TBX20: variants seen among roughly 807,000 people sequenced by gnomAD.
The protein encoded by TBX20 is T-box transcription factor TBX20.
TBX20 carries 8 observed loss-of-function variants against 42.9 expected under a neutral mutation model. That is an observed-to-expected ratio of 0.19 (90% confidence interval 0.11 to 0.34). The LOEUF (loss-of-function observed/expected upper bound fraction) is 0.34, where lower values mean the gene tolerates loss of function less well. TBX20 is among the 10% of genes least tolerant of loss of function. The probability of loss-of-function intolerance (pLI) is 1.00; values close to 1 mark genes in which losing one functional copy is unlikely to be tolerated. For missense variants in TBX20, 411 were observed against 566.0 expected, an observed-to-expected ratio of 0.73 and a Z score of 2.78; for synonymous variants, 198 against 222.8, an observed-to-expected ratio of 0.89 and a Z score of 0.99.
In TBX20 at chr7:35,249,815, G is replaced by C; in HGVS notation, c.380+136C>G. The C allele has an allele frequency of 1.0e-6, 1 of 977,874 alleles. No individual in the cohort carries two copies. The highest frequency in any genetic ancestry group is 1.5e-6 in the Non-Finnish European group (1 of 667,374). The allele number at this position is 977,874 out of a possible 1,614,324, so 60.6% of individuals were successfully genotyped here. A position where few individuals can be genotyped will look rare whatever the true frequency, so the allele number is the denominator to read the frequency against. On this transcript the variant is annotated intron_variant, in intron 2 of 7. Coordinates refer to ENST00000408931, the MANE Select transcript of TBX20 (RefSeq NM_001077653.2). The surrounding 1 kb of genome is among the most constrained non-coding windows in gnomAD (Gnocchi z 4.3). ...AGCTCCTAATGCAAGCTGGTGGAAA[G>C]CAGCTGCCCTGGAGCCAAGCTGTCT... is the stretch of plus-strand genomic sequence containing the variant.
At chr7:35,233,772 G>A (rs1789911231) in intron 5 of TBX20, among the ~76,000 whole-genome samples, 1 of 152,188 alleles carries the variant, frequency 6.6e-6, no homozygotes, top group South Asian at 2.1e-4. Context: ...TACTTAAAAT[G>A]CGTTCTACTT....
intron 6 of TBX20, among the ~76,000 whole-genome samples, chr7:35,216,208 T>C (rs976117047): frequency 1.1e-4 from 17 of 152,162 alleles, no homozygotes; most frequent in African/African-American, 4.1e-4. Flanking sequence ...AAAGGACAGA[T>C]TGCCAAGCAC....
At chr7:35,240,230 G>A (rs1790049002) in intron 5 of TBX20, among the ~76,000 whole-genome samples, 1 of 152,138 alleles carries the variant, frequency 6.6e-6, no homozygotes. Flanking sequence ...AATCTGAAAT[G>A]CTCCAGTGAG....
At position 35,204,592 on chromosome 7, in the gene TBX20, AGT is replaced by A. The variant is rs1789369065; in HGVS notation, c.891-12_891-11del. ...GCTCTCCACACTTTCCCTAGGTTAG[AGT>A]GACATATCACAGGTTAAGTAAAATG... On this transcript the variant is annotated splice_polypyrimidine_tract_variant and intron_variant, in intron 6 of 7. Transcript: ENST00000408931. The A allele has an allele frequency of 1.3e-6, 2 of 1,597,676 alleles. No individual in the cohort carries two copies. Among genetic ancestry groups the A allele is most frequent in the African/African-American group, 2.7e-5 (2 of 74,604 alleles).
intron 6 of TBX20, among the ~76,000 whole-genome samples, chr7:35,229,404 G>A (rs535833366): frequency 1.1e-3 from 162 of 152,048 alleles, no homozygotes; most frequent in African/African-American, 3.7e-3. Context: ...ATCCCCAAAG[G>A]CTGTTTATGA....
chr7:35,220,803 G>C (rs1789669361), intron 6 of TBX20, among the ~76,000 whole-genome samples: 1 of 152,168 alleles, frequency 6.6e-6, no homozygotes, highest in African/African-American at 2.4e-5. Context: ...CTTATTGCAA[G>C]AAACAGAAGG....
intron 6 of TBX20, among the ~76,000 whole-genome samples, chr7:35,216,797 A>G (rs1302903419): frequency 6.6e-6 from 1 of 152,220 alleles, no homozygotes; most frequent in Non-Finnish European, 1.5e-5. Context: ...AACTGTGTTC[A>G]AAGAGAAAAT....
In TBX20 at chr7:35,208,478, C is replaced by T. The variant is rs562884864; in HGVS notation, c.891-3896G>A. Among the ~76,000 whole-genome samples the T allele has an allele frequency of 3.3e-5, 5 of 152,240 alleles. No homozygotes were observed. In the South Asian group the frequency reaches 1.0e-3, roughly 32 times the overall value. On this transcript the variant is annotated intron_variant, in intron 6 of 7. Transcript: ENST00000408931. ...TAAGAATGGGCCAGGCACAGTGGTT[C>T]ACGCCTGTAATCCCAGCACTTTGAG...
intron 6 of TBX20, among the ~76,000 whole-genome samples, chr7:35,210,266 C>T (rs1789472909): frequency 6.6e-6 from 1 of 151,932 alleles, no homozygotes; most frequent in African/African-American, 2.4e-5. Context: ...AGGTGCCCAC[C>T]ACCACGCCTG....
chr7:35,220,016 TCCCTGA>T (rs1308990197), intron 6 of TBX20, among the ~76,000 whole-genome samples: 1 of 152,172 alleles, frequency 6.6e-6, no homozygotes, highest in Non-Finnish European at 1.5e-5. Flanking sequence ...TATATTTAAT[TCCCTGA>T]CCTACTAATA....
At chr7:35,232,747 G>A (rs1262544406) in intron 5 of TBX20, among the ~76,000 whole-genome samples, 2 of 152,178 alleles carry the variant, frequency 1.3e-5, no homozygotes, top group Non-Finnish European at 2.9e-5. Context: ...TGCCAGGCCG[G>A]GTGCCTGTGG....
intron 6 of TBX20, among the ~76,000 whole-genome samples, chr7:35,217,005 C>T (rs1321683659): frequency 2.6e-5 from 4 of 151,782 alleles, no homozygotes; most frequent in Admixed American, 1.3e-4. Context: ...GTAACTTCCA[C>T]GAAATATTTA....
At position 35,253,660 on chromosome 7, in the gene TBX20, C is replaced by A. The variant is rs758358003; in HGVS notation, c.-40G>T. ...GGTCCTGGCCAGGGACGGGGTCGTC[C>A]GAACTGCCGTCCAGATTCCCCAAGG... On this transcript the variant is annotated 5_prime_UTR_variant, in exon 1 of 8. Transcript: ENST00000408931. The A allele has an allele frequency of 6.2e-6, 10 of 1,600,344 alleles. No individual in the cohort carries two copies. Among genetic ancestry groups the A allele is most frequent in the Non-Finnish European group, 8.5e-6 (10 of 1,174,716 alleles).
chr7:35,242,705 G>A (rs1019537780), intron 4 of TBX20, among the ~76,000 whole-genome samples: 1 of 152,108 alleles, frequency 6.6e-6, no homozygotes, highest in Non-Finnish European at 1.5e-5. Context: ...CCCAGACTGA[G>A]CCTCTAAGAC....
chr7:35,226,785 A>T (rs1789778386), intron 6 of TBX20, among the ~76,000 whole-genome samples: 1 of 152,162 alleles, frequency 6.6e-6, no homozygotes, highest in South Asian at 2.1e-4. Flanking sequence ...ATGATAATAA[A>T]CAATGATGTT....
chr7:35,202,551 C>G lies in TBX20; in HGVS notation c.1223G>C (p.Gly408Ala). ...GAATGAAGGGAATGTGGGGCCACTCCCTTGCATGGAGCTGGCAATGGCCGA... is the reference window on the plus strand; with the variant it reads ...GAATGAAGGGAATGTGGGGCCACTCGCTTGCATGGAGCTGGCAATGGCCGA... ...TPSAIASSMQ[G>A]SGPTFPSFHM... Residue 408 changes from glycine to alanine, a missense_variant, in exon 8 of 8, where the codon GGG (glycine) becomes GCG (alanine). Transcript: ENST00000408931. 6.2e-7 allele frequency: 1 copy of G among 1,614,042 alleles called. No individual in the cohort carries two copies. Among genetic ancestry groups the G allele is most frequent in the South Asian group, 1.1e-5 (1 of 91,050 alleles).
intron 7 of TBX20, among the ~76,000 whole-genome samples, chr7:35,203,708 T>G (rs1562555223): frequency 6.6e-6 from 1 of 152,142 alleles, no homozygotes; most frequent in Non-Finnish European, 1.5e-5. Context: ...CACACAGGAG[T>G]TGGTTCCCCA....
At chr7:35,214,391 C>T (rs1277118938) in intron 6 of TBX20, among the ~76,000 whole-genome samples, 1 of 152,090 alleles carries the variant, frequency 6.6e-6, no homozygotes, top group Non-Finnish European at 1.5e-5. Context: ...AAAGTGTAAC[C>T]TATTTTTAAA....
In TBX20 at chr7:35,245,319, G is replaced by GGT. The variant is rs61706700; in HGVS notation, c.546-264_546-263dup. Reference sequence around the variant, plus strand: ...AGCTGAGCAAGGCATTGTTTAAAGGGGTGTGTGTGTGTGTGTGTGTGTGTG... The same window carrying GGT: ...AGCTGAGCAAGGCATTGTTTAAAGGGGTGTGTGTGTGTGTGTGTGTGTGTGTG... On this transcript the variant is annotated intron_variant, in intron 3 of 7. Coordinates refer to ENST00000408931, the MANE Select transcript of TBX20 (RefSeq NM_001077653.2). Among the ~76,000 whole-genome samples the GGT allele has an allele frequency of 8.2e-3, 1,199 of 146,458 alleles. 15 individuals carry two copies. Among genetic ancestry groups the GGT allele is most frequent in the African/African-American group, 0.024 (966 of 39,574 alleles).
Sources: allele counts gnomAD v4.1 joint callset (sites outside exome capture counted in the v4.1 genomes callset), GRCh38; gene constraint gnomAD v4.1.1; non-coding constraint Gnocchi (gnomAD v3.1); transcripts MANE v1.5; gene names NCBI Gene and HGNC (gene_info 2026-07-23, HGNC 2026-07-21).